ARHGAP40: variants seen among roughly 807,000 people sequenced by gnomAD.
ARHGAP40 encodes the protein Rho GTPase activating protein 40.
A neutral mutation model predicts 73.5 loss-of-function variants in ARHGAP40; 43 were observed. That is an observed-to-expected ratio of 0.58 (90% confidence interval 0.46 to 0.75). ARHGAP40 has a LOEUF of 0.75. ARHGAP40 is among the 30% of genes least tolerant of loss of function. The pLI is 0.00. For missense variants in ARHGAP40, 734 were observed against 861.8 expected, an observed-to-expected ratio of 0.85 and a Z score of 1.86; for synonymous variants, 300 against 352.8, an observed-to-expected ratio of 0.85 and a Z score of 1.68.
chr20:38,620,767 C>T (rs2088869597), intron 1 of ARHGAP40, among the ~76,000 whole-genome samples: 1 of 152,198 alleles, frequency 6.6e-6, no homozygotes, highest in African/African-American at 2.4e-5. Context: ...CTGTCCCTTC[C>T]TTCAGGCTCT....
rs374122990 is a variant in ARHGAP40 at position 38,605,368 on chromosome 20, C to T, written c.137+3289C>T. Reference sequence around the variant, plus strand: ...TAACACTGGTCACTACCACATAATACACTAAATGCTGACCTGAAAGGCCTG... The same window carrying T: ...TAACACTGGTCACTACCACATAATATACTAAATGCTGACCTGAAAGGCCTG... On this transcript the variant is annotated intron_variant, in intron 1 of 14. Coordinates refer to ENST00000373345, the Ensembl canonical transcript of ARHGAP40. Among the ~76,000 whole-genome samples, 75 of 152,278 alleles carry T rather than the reference C, an allele frequency of 4.9e-4. 2 individuals are homozygous for T. The South Asian group carries it at 0.015, about 31-fold the overall frequency.
At chr20:38,606,440 G>A (rs1300399214) in intron 1 of ARHGAP40, among the ~76,000 whole-genome samples, 1 of 152,190 alleles carries the variant, frequency 6.6e-6, no homozygotes, top group Non-Finnish European at 1.5e-5. Flanking sequence ...CTCACCAAGT[G>A]GGTGTGAGCT....
intron 1 of ARHGAP40, among the ~76,000 whole-genome samples, chr20:38,607,848 A>G (rs180898264): frequency 8.1e-4 from 124 of 152,310 alleles, no homozygotes; most frequent in African/African-American, 2.7e-3. Flanking sequence ...GAGGCTCCAC[A>G]TCTTTTCACA....
Position 38,637,696 on chromosome 20 carries a change from G to A in ARHGAP40, c.950-12G>A. 2 of 1,305,120 alleles carry A rather than the reference G, an allele frequency of 1.5e-6. No homozygotes were observed. The highest frequency in any genetic ancestry group is 1.2e-5 in the South Asian group (1 of 81,010). 80.8% of individuals were successfully genotyped at this position (1,305,120 alleles called of 1,614,324 possible). On this transcript the variant is annotated splice_polypyrimidine_tract_variant and intron_variant, in intron 6 of 14. Coordinates refer to ENST00000373345, the Ensembl canonical transcript of ARHGAP40. ...GAAGTGAAATGTGCCTCTGCTCTTT[G>A]ACTTTCTGCAGAAACTCGCCTCTTT...
At chr20:38,632,168 T>C (rs1402625595) in intron 5 of ARHGAP40, among the ~76,000 whole-genome samples, 2 of 152,128 alleles carry the variant, frequency 1.3e-5, no homozygotes, top group Non-Finnish European at 2.9e-5. Flanking sequence ...TTCTCCATGT[T>C]GGCCAGGCTG....
At chr20:38,643,631 G>C (rs2089033157) in intron 10 of ARHGAP40, 73 bp from the exon 11 acceptor site, 1 of 1,203,752 alleles carries the variant, frequency 8.3e-7, no homozygotes. Context: ...TCATTCATCA[G>C]AATGCCCTGG....
Position 38,607,442 on chromosome 20 carries a change from G to A in ARHGAP40, c.137+5363G>A, listed in dbSNP as rs112957566. ...ACCAGCTTTGCAGGAAAAAGTCCTT[G>A]CAAACCACTTTCCTCCAGGGCTCTC... On this transcript the variant is annotated intron_variant, in intron 1 of 14. Coordinates refer to ENST00000373345, the Ensembl canonical transcript of ARHGAP40. Among the ~76,000 whole-genome samples the A allele has an allele frequency of 4.8e-3, 736 of 152,288 alleles. 7 individuals are homozygous for A. The highest frequency in any genetic ancestry group is 0.017 in the African/African-American group (700 of 41,548).
intron 1 of ARHGAP40, among the ~76,000 whole-genome samples, chr20:38,621,434 T>C (rs2088872874): frequency 6.6e-6 from 1 of 152,154 alleles, no homozygotes; most frequent in South Asian, 2.1e-4. Context: ...TGGGGGACCT[T>C]CCTGTGAGCA....
At chr20:38,614,993 G>T (rs575636449) in intron 1 of ARHGAP40, 3 of 1,211,562 alleles carry the variant, frequency 2.5e-6, no homozygotes, top group Non-Finnish European at 3.7e-6. Context: ...CTTGTGTGAG[G>T]AAAGTCCCGC....
intron 9 of ARHGAP40, among the ~76,000 whole-genome samples, chr20:38,639,688 C>T (rs1020246334): frequency 4.6e-5 from 7 of 152,230 alleles, no homozygotes; most frequent in Non-Finnish European, 8.8e-5. Context: ...GACTAGTTTC[C>T]TTCACATCTT....
chr20:38,627,998 A>G (rs1207019696), intron 3 of ARHGAP40, among the ~76,000 whole-genome samples: 1 of 152,212 alleles, frequency 6.6e-6, no homozygotes, highest in Non-Finnish European at 1.5e-5. Context: ...GCAGTAATAC[A>G]GTGGCGTGAC....
chr20:38,643,880 A>T (rs1262610199), exon 11 of ARHGAP40: 1 of 1,304,816 alleles, frequency 7.7e-7, no homozygotes. Flanking sequence ...TGGTGCAGAT[A>T]ATGGTGCACT....
At chr20:38,629,686 C>G in intron 5 of ARHGAP40, 36 bp downstream of exon 5, 1 of 1,300,184 alleles carries the variant, frequency 7.7e-7, no homozygotes, top group Non-Finnish European at 1.0e-6. Flanking sequence ...TTGGCTAGGT[C>G]CCCCTGTGCT....
exon 3 of ARHGAP40, chr20:38,627,108 G>A: frequency 6.1e-6 from 8 of 1,305,454 alleles, no homozygotes; most frequent in Non-Finnish European, 8.1e-6. Context: ...ACAGACCCAG[G>A]TGGCCGCTGT....
chr20:38,631,782 C>A (rs977405651), intron 5 of ARHGAP40, among the ~76,000 whole-genome samples: 1 of 152,120 alleles, frequency 6.6e-6, no homozygotes, highest in African/African-American at 2.4e-5. Flanking sequence ...ACCAACCCCA[C>A]CCCCTGCAGT....
At chr20:38,624,130 T>C (rs912992363) in intron 2 of ARHGAP40, among the ~76,000 whole-genome samples, 1 of 152,190 alleles carries the variant, frequency 6.6e-6, no homozygotes, top group African/African-American at 2.4e-5. Flanking sequence ...GGGCCTCTCA[T>C]GCAGTTACAA....
In ARHGAP40 at chr20:38,646,326, G is replaced by A; in HGVS notation, c.1710+139G>A. On this transcript the variant is annotated intron_variant, in intron 12 of 14. Transcript: ENST00000373345. The surrounding 1 kb of genome is among the most constrained non-coding windows in gnomAD (Gnocchi z 4.5). ...CAGTGAGGCCACCAGGGGGCGTTGC[G>A]GCGCCGTCACGGGGAGCGAGGAGGC... 6 of 1,021,590 alleles carry A rather than the reference G, an allele frequency of 5.9e-6. No homozygotes were observed. The highest frequency in any genetic ancestry group is 6.2e-6 in the Non-Finnish European group (5 of 809,848). 63.3% of individuals were successfully genotyped at this position (1,021,590 alleles called of 1,614,324 possible). A position where few individuals can be genotyped will look rare whatever the true frequency, so the allele number is the denominator to read the frequency against.
At chr20:38,609,937 A>C (rs572752314) in intron 1 of ARHGAP40, among the ~76,000 whole-genome samples, 96 of 152,216 alleles carry the variant, frequency 6.3e-4, no homozygotes, top group Non-Finnish European at 1.3e-3. Flanking sequence ...GCGTAATGGA[A>C]GAGTGAGCAA....
At chr20:38,629,807 C>T (rs1346034820) in intron 5 of ARHGAP40, among the ~76,000 whole-genome samples, 157 bp downstream of exon 5, 2 of 152,190 alleles carry the variant, frequency 1.3e-5, no homozygotes, top group African/African-American at 2.4e-5. Flanking sequence ...ACTGAGTGAC[C>T]GCTGGGTATC....
Sources: allele counts gnomAD v4.1 joint callset (sites outside exome capture counted in the v4.1 genomes callset), GRCh38; gene constraint gnomAD v4.1.1; non-coding constraint Gnocchi (gnomAD v3.1); transcripts MANE v1.5; gene names NCBI Gene and HGNC (gene_info 2026-07-23, HGNC 2026-07-21).